HNRNPL: variants seen among roughly 807,000 people sequenced by gnomAD.
HNRNPL encodes the protein heterogeneous nuclear ribonucleoprotein L.
Under a neutral mutation model 64.0 loss-of-function variants are expected in HNRNPL, and 12 were observed. The observed-to-expected ratio is 0.19, with a 90% CI of 0.12 to 0.30. The LOEUF is 0.30. Ranked by LOEUF, HNRNPL falls within the 10% of genes least tolerant of loss-of-function variation. The pLI, the probability that HNRNPL is intolerant of heterozygous loss-of-function variation, is 1.00. For missense variants in HNRNPL, 484 were observed against 797.4 expected (o/e 0.61, Z 4.73); for synonymous variants, 385 against 313.0 (o/e 1.23, Z -2.43).
Position 38,849,941 on chromosome 19 carries a change from G to T in HNRNPL, c.26C>A (p.Ala9Glu). 5 of 1,364,092 alleles carry T rather than the reference G, an allele frequency of 3.7e-6. No homozygotes were observed. Among genetic ancestry groups the T allele is most frequent in the Non-Finnish European group, 4.8e-6 (5 of 1,040,412 alleles). The allele number at this position is 1,364,092 out of a possible 1,614,324, so 84.5% of individuals were successfully genotyped here. MSRRLLPRAEKRRRRLEQR... is the reference protein window; with the variant it reads MSRRLLPREEKRRRRLEQR... ...CTCCAGCCGCCGACGCCGCTTCTCC[G>T]CCCGGGGCAGCAGCCTCCGCGACAT... Residue 9 changes from alanine to glutamate, a missense_variant, in exon 1 of 13, where the codon GCG (alanine) becomes GAG (glutamate). By Grantham distance (107) the Ala-to-Glu change is moderately radical. This residue lies in a region of HNRNPL where 190 missense variants were observed against 160.1 expected (regional missense o/e 1.19). Transcript: ENST00000221419.
chr19:38,849,901 C>G lies in HNRNPL; in HGVS notation c.66G>C (p.Pro22=). The part of the protein sequence containing the change: ...RRRRLEQRQQ[P]DEQRRRSGAM... ...CTCCCGACCGCCTCCGCTGCTCGTC[C>G]GGCTGCTGCCTCTGCTCCAGCCGCC... Residue 22 remains proline (P), a synonymous_variant, in exon 1 of 13, where the codon CCG becomes CCC. Transcript: ENST00000221419. 3.9e-6 allele frequency: 5 copies of G among 1,268,100 alleles called. No individual in the cohort carries two copies. The highest frequency in any genetic ancestry group is 2.7e-5 in the East Asian group (1 of 37,180). The allele number at this position is 1,268,100 out of a possible 1,614,324, so 78.6% of individuals were successfully genotyped here. A position where few individuals can be genotyped will look rare whatever the true frequency, so the allele number is the denominator to read the frequency against.
intron 4 of HNRNPL, chr19:38,845,406 A>G: frequency 2.0e-6 from 1 of 501,946 alleles, no homozygotes; most frequent in Non-Finnish European, 3.5e-6. Context: ...AAAGAAAACA[A>G]AAAGAAAAAT....
chr19:38,848,672 G>A (rs1342809495), intron 1 of HNRNPL, among the ~76,000 whole-genome samples: 1 of 152,208 alleles, frequency 6.6e-6, no homozygotes, highest in Admixed American at 6.5e-5. Flanking sequence ...TCCCACAAAT[G>A]GGAGTTCTAA....
chr19:38,838,780 T>G, intron 9 of HNRNPL, 114 bp downstream of exon 9: 3 of 1,445,980 alleles, frequency 2.1e-6, no homozygotes, highest in Non-Finnish European at 2.9e-6. Flanking sequence ...ACCTGCCACA[T>G]CCCATTTCTG....
At chr19:38,846,223 T>C in intron 2 of HNRNPL, 133 bp from the exon 3 acceptor site, 1 of 731,542 alleles carries the variant, frequency 1.4e-6, no homozygotes, top group South Asian at 1.6e-5. Context: ...TTCCCCGACC[T>C]GAACACCCTG....
At chr19:38,847,232 T>TA in intron 2 of HNRNPL, 84 bp downstream of exon 2, 1 of 630,084 alleles carries the variant, frequency 1.6e-6, no homozygotes, top group Non-Finnish European at 2.6e-6. Flanking sequence ...ACAAAATCAC[T>TA]ATTTCCAACC....
upstream of HNRNPL, chr19:38,850,028 C>T (rs570665109): frequency 7.8e-6 from 10 of 1,284,192 alleles, no homozygotes; most frequent in East Asian, 2.8e-4. Flanking sequence ...CGTCACCCGC[C>T]GCCCCCACCC....
upstream of HNRNPL, chr19:38,849,994 C>T (rs1279174152): frequency 2.3e-6 from 3 of 1,323,656 alleles, no homozygotes; most frequent in Non-Finnish European, 1.9e-6. Context: ...CTCCCCCCGC[C>T]TCTCATTGGG....
At chr19:38,847,930 C>T (rs139498781) in intron 1 of HNRNPL, among the ~76,000 whole-genome samples, 1 of 152,176 alleles carries the variant, frequency 6.6e-6, no homozygotes, top group Non-Finnish European at 1.5e-5. Flanking sequence ...TGTTCCCCAC[C>T]ACTCACACCC....
In HNRNPL at chr19:38,836,478, T is replaced by G. The variant is rs1600041035; in HGVS notation, c.*244A>C. 1.6e-5 allele frequency: 6 copies of G among 367,426 alleles called. No homozygotes were observed. The Middle Eastern group carries it at 2.2e-3, about 133-fold the overall frequency. 22.8% of individuals were successfully genotyped at this position (367,426 alleles called of 1,614,324 possible). On this transcript the variant is annotated 3_prime_UTR_variant, in exon 13 of 13. Transcript: ENST00000221419. ...ATGAACAGGAAAAAAAAAAATCACATGTACAATAATTTTTTAAAAGTGAAG... is the reference window on the plus strand; with the variant it reads ...ATGAACAGGAAAAAAAAAAATCACAGGTACAATAATTTTTTAAAAGTGAAG...
chr19:38,848,723 T>C (rs1972389635), intron 1 of HNRNPL, among the ~76,000 whole-genome samples: 1 of 152,200 alleles, frequency 6.6e-6, no homozygotes, highest in East Asian at 1.9e-4. Flanking sequence ...CCTACAGTAA[T>C]TCACCTCATC....
intron 8 of HNRNPL, 25 bp downstream of exon 8, chr19:38,840,071 C>T (rs1047396318): frequency 6.2e-7 from 1 of 1,612,130 alleles, no homozygotes; most frequent in Non-Finnish European, 8.5e-7. Flanking sequence ...CAGCGAGGAA[C>T]CCAGGGGGCC....
At position 38,844,490 on chromosome 19, in the gene HNRNPL, C is replaced by T. The variant is rs114576096; in HGVS notation, c.711-386G>A. Among the ~76,000 whole-genome samples, 295 of 152,282 alleles carry T rather than the reference C, an allele frequency of 1.9e-3. 3 individuals are homozygous for T. The highest frequency in any genetic ancestry group is 6.1e-3 in the African/African-American group (254 of 41,548). On this transcript the variant is annotated intron_variant, in intron 4 of 12. Coordinates refer to ENST00000221419, the MANE Select transcript of HNRNPL (RefSeq NM_001533.3). ...TTTTTCCTGCCCCTGCCCCAAGCAT[C>T]GCAACGCTGTCTAGGATGCCCTAAA...
At chr19:38,850,686 G>A (rs796583810), upstream of HNRNPL, among the ~76,000 whole-genome samples, 5 of 152,366 alleles carry the variant, frequency 3.3e-5, no homozygotes, top group African/African-American at 9.6e-5. Context: ...CGGAAGGCTA[G>A]ACCAAGATTG....
intron 8 of HNRNPL, chr19:38,839,382 G>A (rs1343681456): frequency 4.3e-6 from 1 of 234,960 alleles, no homozygotes; most frequent in Non-Finnish European, 8.6e-6. Flanking sequence ...CCTTCAGCTG[G>A]GTTACAACAG....
In HNRNPL at chr19:38,838,556, C is replaced by A; in HGVS notation, c.1398G>T (p.Gly466=). Residue 466 remains glycine (G), a synonymous_variant, in exon 10 of 13, where the codon GGG becomes GGT. Coordinates refer to ENST00000221419, the MANE Select transcript of HNRNPL (RefSeq NM_001533.3). ...QPAIMPGQSY[G]LEDGSCSYKD... ...TGTAACTGCAAGACCCGTCTTCCAA[C>A]CCGTATGACTGACCAGGCATGATGG... 1 of 1,614,172 alleles carries A rather than the reference C, an allele frequency of 6.2e-7. No individual in the cohort carries two copies. Among genetic ancestry groups the A allele is most frequent in the East Asian group, 2.2e-5 (1 of 44,888 alleles).
At position 38,849,700 on chromosome 19, in the gene HNRNPL, CCCA is replaced by C. The variant is rs1285569039; in HGVS notation, c.264_266del (p.Gly89del). On this transcript the variant is annotated inframe_deletion and splice_region_variant, in exon 1 of 13. Transcript: ENST00000221419. The stretch of plus-strand genomic sequence containing the variant: ...CCAGCGCCTAGGGCCCTGGCCTCAC[CCCA>C]CCGCCGCCGCCGCCCGCCGCCCCGG... 1.0e-5 allele frequency: 14 copies of C among 1,359,396 alleles called. No individual in the cohort carries two copies. Among genetic ancestry groups the C allele is most frequent in the Non-Finnish European group, 2.8e-6 (3 of 1,066,144 alleles). The allele number at this position is 1,359,396 out of a possible 1,614,324, so 84.2% of individuals were successfully genotyped here.
chr19:38,841,477 G>A (rs1225709817), intron 6 of HNRNPL: 8 of 431,744 alleles, frequency 1.9e-5, no homozygotes, highest in South Asian at 1.0e-4. Context: ...CCCAGGGCTC[G>A]AAACCACTGC....
At chr19:38,852,069 G>A (rs186842484), upstream of HNRNPL, among the ~76,000 whole-genome samples, 326 of 135,104 alleles carry the variant, frequency 2.4e-3, 2 homozygotes, top group Non-Finnish European at 4.3e-3. Context: ...CCCCGCGGCC[G>A]GCCCGGACGC....
Sources: allele counts gnomAD v4.1 joint callset (sites outside exome capture counted in the v4.1 genomes callset), GRCh38; gene constraint gnomAD v4.1.1; regional missense constraint gnomAD v4.1.1; transcripts MANE v1.5; gene names NCBI Gene and HGNC (gene_info 2026-07-23, HGNC 2026-07-21).